NDUFAF2: variants seen among roughly 807,000 people sequenced by gnomAD.
NDUFAF2 encodes NADH:ubiquinone oxidoreductase complex assembly factor 2.
In NDUFAF2, 13 loss-of-function variants were observed where a neutral mutation model predicts 22.8. That is an observed-to-expected ratio of 0.57 (90% CI 0.37 to 0.91). The LOEUF is 0.91. NDUFAF2 is among the 40% of genes least tolerant of loss of function. NDUFAF2 has a pLI of 0.01. For synonymous variants in NDUFAF2, 53 were observed against 64.2 expected, an observed-to-expected ratio of 0.83 and a Z score of 0.84; for missense variants, 162 against 195.2, an observed-to-expected ratio of 0.83 and a Z score of 1.01.
chr5:60,994,327 C>T (rs1751200395), intron 1 of NDUFAF2, among the ~76,000 whole-genome samples: 1 of 152,260 alleles, frequency 6.6e-6, no homozygotes, highest in Admixed American at 6.5e-5. Flanking sequence ...GTAGCTGCAC[C>T]TGGCAGGGTG....
intron 1 of NDUFAF2, among the ~76,000 whole-genome samples, chr5:61,022,292 C>G (rs113041354): frequency 6.6e-6 from 1 of 152,138 alleles, no homozygotes; most frequent in Non-Finnish European, 1.5e-5. Flanking sequence ...TATCTTTTCT[C>G]GTAACATATT....
At chr5:60,964,692 T>C (rs1274606210) in intron 1 of NDUFAF2, among the ~76,000 whole-genome samples, 2 of 152,130 alleles carry the variant, frequency 1.3e-5, no homozygotes, top group Non-Finnish European at 2.9e-5. Context: ...CCTCAAGTGA[T>C]CTGCCTGCCT....
chr5:61,038,060 CG>C (rs1209657613), intron 1 of NDUFAF2, among the ~76,000 whole-genome samples: 1 of 9,634 alleles, frequency 1.0e-4, no homozygotes, highest in African/African-American at 4.5e-4. Context: ...GGTGATGAGA[CG>C]GGGGGTGGGA....
At chr5:61,126,973 A>T (rs1753044641) in intron 3 of NDUFAF2, among the ~76,000 whole-genome samples, 1 of 152,210 alleles carries the variant, frequency 6.6e-6, no homozygotes, top group Admixed American at 6.6e-5. Context: ...GATCCCACAG[A>T]AATACAAACT....
chr5:61,004,901 C>T (rs559601578), intron 1 of NDUFAF2, among the ~76,000 whole-genome samples: 1 of 151,794 alleles, frequency 6.6e-6, no homozygotes, highest in African/African-American at 2.4e-5. Context: ...TTCACTTCAA[C>T]AGGGCTTGTA....
chr5:60,945,539 C>T, intron 1 of NDUFAF2, 157 bp downstream of exon 1: 1 of 1,135,888 alleles, frequency 8.8e-7, no homozygotes, highest in Admixed American at 2.0e-5. Flanking sequence ...TCGACCCCTT[C>T]ACTCTGGCAT....
At chr5:61,029,663 AT>A (rs1377285800) in intron 1 of NDUFAF2, among the ~76,000 whole-genome samples, 10 of 152,288 alleles carry the variant, frequency 6.6e-5, no homozygotes, top group Non-Finnish European at 1.3e-4. Flanking sequence ...TCACCCCAGA[AT>A]GCGACGTGCA....
intron 1 of NDUFAF2, among the ~76,000 whole-genome samples, chr5:61,046,315 T>C (rs138009201): frequency 2.6e-5 from 4 of 152,286 alleles, no homozygotes; most frequent in East Asian, 1.9e-4. Context: ...ATTAGGGTAA[T>C]GCTGGCCTCA....
At chr5:61,039,628 T>C (rs1436425597) in intron 1 of NDUFAF2, among the ~76,000 whole-genome samples, 1 of 152,182 alleles carries the variant, frequency 6.6e-6, no homozygotes, top group Middle Eastern at 3.2e-3. Context: ...CAAACTGTGA[T>C]TTAGGGGACG....
At chr5:61,026,103 A>G (rs923810439) in intron 1 of NDUFAF2, among the ~76,000 whole-genome samples, 1 of 152,124 alleles carries the variant, frequency 6.6e-6, no homozygotes, top group Admixed American at 6.6e-5. Flanking sequence ...TTACAATTCA[A>G]TATGTGTTTC....
chr5:61,078,415 G>A (rs999620212), intron 2 of NDUFAF2, among the ~76,000 whole-genome samples: 5 of 152,120 alleles, frequency 3.3e-5, no homozygotes, highest in Non-Finnish European at 7.4e-5. Context: ...GAAAGACATG[G>A]AACAGTAGAC....
chr5:61,070,596 TACACACACAC>T (rs10651718), intron 1 of NDUFAF2, among the ~76,000 whole-genome samples: 31 of 148,072 alleles, frequency 2.1e-4, no homozygotes, highest in Non-Finnish European at 3.1e-4. Context: ...TGTCTTTGCA[TACACACACAC>T]ACACACACAC....
chr5:61,064,356 A>G (rs551887337), intron 1 of NDUFAF2, among the ~76,000 whole-genome samples: 37 of 152,248 alleles, frequency 2.4e-4, no homozygotes, highest in Middle Eastern at 3.4e-3. Context: ...GAGAATTAAT[A>G]AGGAAATACT....
chr5:61,101,179 A>C (rs1003489757), intron 3 of NDUFAF2, among the ~76,000 whole-genome samples: 4 of 152,160 alleles, frequency 2.6e-5, no homozygotes, highest in Non-Finnish European at 5.9e-5. Flanking sequence ...GTAACAAAAA[A>C]ATAGCTTATT....
intron 1 of NDUFAF2, 176 bp downstream of exon 1, chr5:60,945,558 T>G: frequency 1.0e-6 from 1 of 977,174 alleles, no homozygotes; most frequent in Non-Finnish European, 1.5e-6. Context: ...ATCGGAGCCC[T>G]ACCCGGCCCG....
intron 1 of NDUFAF2, among the ~76,000 whole-genome samples, chr5:60,979,846 C>A (rs553465878): frequency 1.3e-5 from 2 of 152,330 alleles, no homozygotes; most frequent in South Asian, 4.1e-4. Context: ...GCATTGGTCA[C>A]TGTAGTCCTT....
intron 1 of NDUFAF2, among the ~76,000 whole-genome samples, chr5:61,022,173 A>G (rs948908888): frequency 2.0e-5 from 3 of 152,166 alleles, no homozygotes; most frequent in African/African-American, 7.2e-5. Context: ...TCATGGCCCA[A>G]ACAAATTGAC....
At chr5:60,956,456 A>G (rs2112565216) in intron 1 of NDUFAF2, among the ~76,000 whole-genome samples, 1 of 152,034 alleles carries the variant, frequency 6.6e-6, no homozygotes, top group South Asian at 2.1e-4. Flanking sequence ...TCTGTTTTTC[A>G]CTCTTGAATA....
At chr5:61,009,703 T>C (rs1197212583) in intron 1 of NDUFAF2, among the ~76,000 whole-genome samples, 1 of 152,048 alleles carries the variant, frequency 6.6e-6, no homozygotes, top group African/African-American at 2.4e-5. Context: ...CTTCAAGTCA[T>C]GGAATTCACT....
Sources: gnomAD v4.1 joint callset for allele counts (sites outside exome capture counted in the v4.1 genomes callset) on GRCh38, gnomAD v4.1.1 for gene constraint, MANE v1.5 for transcripts, NCBI Gene and HGNC (gene_info 2026-07-23, HGNC 2026-07-21) for gene names.